Variants in LUZP2 observed in about 807,000 individuals in gnomAD.
LUZP2 encodes leucine zipper protein 2.
A neutral mutation model predicts 51.6 loss-of-function variants in LUZP2; 52 were observed. The observed-to-expected ratio is 1.01, with a 90% CI of 0.81 to 1.27. The LOEUF (loss-of-function observed/expected upper bound fraction) is 1.27, where lower values mean the gene tolerates loss of function less well. Among genes scored for constraint, LUZP2 ranks in the 50% most tolerant of loss-of-function variants. The probability of loss-of-function intolerance (pLI) is 0.00; values close to 1 mark genes in which losing one functional copy is unlikely to be tolerated. For synonymous variants in LUZP2, 154 were observed against 137.3 expected (o/e 1.12, Z -0.85); for missense variants, 436 against 395.4 (o/e 1.10, Z -0.87).
At chr11:24,798,703 C>T (rs1323932313) in intron 5 of LUZP2, among the ~76,000 whole-genome samples, 3 of 152,074 alleles carry the variant, frequency 2.0e-5, no homozygotes, top group Non-Finnish European at 4.4e-5. Flanking sequence ...CTTGCATGCT[C>T]AACTTCCTGC....
intron 4 of LUZP2, among the ~76,000 whole-genome samples, chr11:24,749,917 T>G (rs59990528): frequency 0.1 from 15,822 of 152,204 alleles, 2,148 homozygotes; most frequent in African/African-American, 0.31. Context: ...TCCCCAGCTT[T>G]CAGATGGCCT....
At chr11:24,844,117 G>C (rs980004861) in intron 5 of LUZP2, among the ~76,000 whole-genome samples, 1 of 152,184 alleles carries the variant, frequency 6.6e-6, no homozygotes, top group Non-Finnish European at 1.5e-5. Flanking sequence ...GGAGGGCTCA[G>C]AAGAAGGTGG....
chr11:24,586,193 T>C (rs773276535), intron 1 of LUZP2, among the ~76,000 whole-genome samples: 3 of 152,112 alleles, frequency 2.0e-5, no homozygotes, highest in African/African-American at 4.8e-5. Flanking sequence ...CAGAAGCATG[T>C]ATGTTCAATC....
chr11:24,595,197 T>C (rs1912136), intron 1 of LUZP2, among the ~76,000 whole-genome samples: 47,580 of 139,210 alleles, frequency 0.34, 7,896 homozygotes, highest in Middle Eastern at 0.48. Context: ...AAAAAAAAAG[T>C]GTAGGTCACA....
At chr11:24,565,310 C>T (rs532177054) in intron 1 of LUZP2, among the ~76,000 whole-genome samples, 15 of 152,214 alleles carry the variant, frequency 9.9e-5, no homozygotes, top group African/African-American at 3.6e-4. Flanking sequence ...TTTGAATTGT[C>T]CTTTATATTT....
At chr11:24,897,420 G>A (rs1366232174) in intron 5 of LUZP2, among the ~76,000 whole-genome samples, 6 of 152,114 alleles carry the variant, frequency 3.9e-5, no homozygotes, top group Admixed American at 1.3e-4. Flanking sequence ...CACTCATTGC[G>A]AAGGTCCACA....
chr11:24,850,944 G>T (rs2716528), intron 5 of LUZP2, among the ~76,000 whole-genome samples: 3 of 151,896 alleles, frequency 2.0e-5, no homozygotes, highest in African/African-American at 7.3e-5. Flanking sequence ...AACGCTTGTG[G>T]TTTTTGCACA....
At chr11:24,818,814 T>C (rs1397428293) in intron 5 of LUZP2, among the ~76,000 whole-genome samples, 1 of 152,114 alleles carries the variant, frequency 6.6e-6, no homozygotes, top group Non-Finnish European at 1.5e-5. Flanking sequence ...TATATATTTT[T>C]AACTCCTAAT....
At chr11:24,640,090 CT>C (rs1463745543) in intron 1 of LUZP2, among the ~76,000 whole-genome samples, 2 of 151,774 alleles carry the variant, frequency 1.3e-5, no homozygotes, top group African/African-American at 4.9e-5. Flanking sequence ...AGAAAGTTAT[CT>C]TTTTGACATC....
At chr11:25,033,048 G>C (rs1268252638) in intron 9 of LUZP2, among the ~76,000 whole-genome samples, 1 of 152,138 alleles carries the variant, frequency 6.6e-6, no homozygotes, top group Non-Finnish European at 1.5e-5. Flanking sequence ...CAAACATTCT[G>C]AAGATGGAGA....
intron 9 of LUZP2, among the ~76,000 whole-genome samples, chr11:25,025,033 C>CA: frequency 6.6e-6 from 1 of 151,980 alleles, no homozygotes; most frequent in Non-Finnish European, 1.5e-5. Flanking sequence ...CTGAGAAAAA[C>CA]AAGCAATGGG....
chr11:24,962,261 T>A (rs529304436), intron 7 of LUZP2, among the ~76,000 whole-genome samples: 1 of 151,898 alleles, frequency 6.6e-6, no homozygotes, highest in Non-Finnish European at 1.5e-5. Flanking sequence ...GAAGAGCAAC[T>A]CCTACTTCTT....
At chr11:25,007,261 A>T (rs1479965639) in intron 9 of LUZP2, among the ~76,000 whole-genome samples, 1 of 152,192 alleles carries the variant, frequency 6.6e-6, no homozygotes, top group Non-Finnish European at 1.5e-5. Context: ...TACAAATTAT[A>T]GAAACAACTC....
intron 1 of LUZP2, among the ~76,000 whole-genome samples, chr11:24,632,203 G>T (rs61875687): frequency 6.3e-4 from 96 of 152,002 alleles, no homozygotes; most frequent in African/African-American, 2.2e-3. Flanking sequence ...GAAGGAACTT[G>T]TGTGGGTATC....
intron 5 of LUZP2, among the ~76,000 whole-genome samples, chr11:24,811,571 G>T (rs1224433891): frequency 6.6e-6 from 1 of 151,674 alleles, no homozygotes; most frequent in Non-Finnish European, 1.5e-5. Flanking sequence ...TGTTGCAGAG[G>T]TTTGCTGTAT....
At chr11:25,009,856 A>C (rs1275018673) in intron 9 of LUZP2, among the ~76,000 whole-genome samples, 1 of 151,884 alleles carries the variant, frequency 6.6e-6, no homozygotes. Context: ...AGTTAGTACT[A>C]CTCCTTGTTT....
intron 9 of LUZP2, among the ~76,000 whole-genome samples, chr11:24,986,209 A>C (rs1000800162): frequency 1.3e-5 from 2 of 151,688 alleles, no homozygotes; most frequent in African/African-American, 4.8e-5. Flanking sequence ...TTAAATTTAC[A>C]GAATTTGTAC....
intron 1 of LUZP2, among the ~76,000 whole-genome samples, chr11:24,529,927 C>T (rs1850942402): frequency 6.6e-6 from 1 of 150,730 alleles, no homozygotes; most frequent in Non-Finnish European, 1.5e-5. Flanking sequence ...TAACAATCCC[C>T]AAAGTATTCA....
chr11:24,603,774 A>G (rs917947691), intron 1 of LUZP2, among the ~76,000 whole-genome samples: 2 of 151,776 alleles, frequency 1.3e-5, no homozygotes, highest in Non-Finnish European at 3.0e-5. Flanking sequence ...TAAAGAATTT[A>G]TGTTCTTGTC....
Sources: allele counts gnomAD v4.1 joint callset (sites outside exome capture counted in the v4.1 genomes callset), GRCh38; gene constraint gnomAD v4.1.1; transcripts MANE v1.5; gene names NCBI Gene and HGNC (gene_info 2026-07-23, HGNC 2026-07-21).